Variants in CALN1 observed in about 807,000 individuals in gnomAD.
The protein encoded by CALN1 is calneuron 1, also known as calcium-binding protein 8.
CALN1 carries 17 observed loss-of-function variants against 30.6 expected under a neutral mutation model. The observed-to-expected ratio is 0.56, with a 90% CI of 0.38 to 0.83. The LOEUF is 0.83. Among genes scored for constraint, CALN1 ranks in the 40% least tolerant of loss-of-function variants. The pLI is 0.00. For synonymous variants in CALN1, 156 were observed against 131.4 expected (o/e 1.19, Z -1.28); for missense variants, 291 against 354.9 (o/e 0.82, Z 1.45).
At chr7:72,210,132 T>C (rs1339962748) in intron 3 of CALN1, among the ~76,000 whole-genome samples, 2 of 152,002 alleles carry the variant, frequency 1.3e-5, no homozygotes, top group South Asian at 2.1e-4. Flanking sequence ...CAGTTTGCTT[T>C]TCTCATCTTC....
At chr7:72,082,462 C>T (rs1231229085) in intron 4 of CALN1, among the ~76,000 whole-genome samples, 1 of 152,182 alleles carries the variant, frequency 6.6e-6, no homozygotes, top group Non-Finnish European at 1.5e-5. Flanking sequence ...GACCCTCCCT[C>T]CATGGCTGAG....
intron 5 of CALN1, among the ~76,000 whole-genome samples, chr7:72,002,214 A>C (rs962486119): frequency 2.6e-5 from 4 of 152,224 alleles, no homozygotes; most frequent in Non-Finnish European, 4.4e-5. Flanking sequence ...AAACCACTGT[A>C]AATTGCAAAT....
chr7:72,074,592 G>C (rs796494950), intron 4 of CALN1, among the ~76,000 whole-genome samples: 13 of 152,244 alleles, frequency 8.5e-5, no homozygotes, highest in African/African-American at 2.9e-4. Flanking sequence ...ATTTTTAGTA[G>C]AGATGGGGTT....
intron 4 of CALN1, among the ~76,000 whole-genome samples, chr7:72,036,715 C>CA (rs1463221678): frequency 2.0e-5 from 3 of 152,048 alleles, no homozygotes; most frequent in Non-Finnish European, 4.4e-5. Context: ...AAACTTACTT[C>CA]AAAATTATTT....
intron 3 of CALN1, among the ~76,000 whole-genome samples, chr7:72,171,403 C>A (rs1294216138): frequency 6.6e-6 from 1 of 152,076 alleles, no homozygotes; most frequent in African/African-American, 2.4e-5. Context: ...GAGAGGAGGA[C>A]TGCTTGAGGC....
intron 5 of CALN1, among the ~76,000 whole-genome samples, chr7:71,948,246 G>C (rs1442379753): frequency 6.6e-6 from 1 of 151,910 alleles, no homozygotes; most frequent in African/African-American, 2.4e-5. Flanking sequence ...TGGGGGGGAA[G>C]AGGACCACAT....
At chr7:71,989,534 A>G (rs1798842383) in intron 5 of CALN1, among the ~76,000 whole-genome samples, 1 of 152,148 alleles carries the variant, frequency 6.6e-6, no homozygotes, top group South Asian at 2.1e-4. Context: ...GTGTCTGAGA[A>G]ACGATGTAGA....
chr7:72,422,243 C>G (rs555312527), intron 1 of CALN1, among the ~76,000 whole-genome samples: 1 of 152,172 alleles, frequency 6.6e-6, no homozygotes, highest in Non-Finnish European at 1.5e-5. Flanking sequence ...TTTACATTCC[C>G]GCCAGCAGTG....
chr7:72,293,951 A>T (rs2129555122), intron 2 of CALN1, among the ~76,000 whole-genome samples: 1 of 152,114 alleles, frequency 6.6e-6, no homozygotes, highest in Middle Eastern at 3.4e-3. Context: ...TACAAAAATT[A>T]GCCAGGCATC....
At chr7:71,926,020 AGGT>A (rs997913406) in intron 5 of CALN1, among the ~76,000 whole-genome samples, 5 of 152,144 alleles carry the variant, frequency 3.3e-5, no homozygotes, top group Non-Finnish European at 7.3e-5. Flanking sequence ...TGCCTGGCTA[AGGT>A]GGTGTAGTTT....
rs548255879 is a variant in CALN1 at position 71,991,274 on chromosome 7, C to T, written c.501+32383G>A. On this transcript the variant is annotated intron_variant, in intron 5 of 6. Transcript: ENST00000395275. ...AGGAGTTTGAGACCAGCTTGGCCAA[C>T]GTGGTGAAACCCCGTCTCTACTAAA... 4.1e-3 allele frequency among the ~76,000 whole-genome samples: 617 copies of T among 152,248 alleles called. 3 individuals are homozygous for T. The highest frequency in any genetic ancestry group is 6.2e-3 in the Non-Finnish European group (421 of 68,008).
rs148655320 is a variant in CALN1, at chr7:72,288,125, A to C, written c.120-9315T>G. Among the ~76,000 whole-genome samples, 667 of 152,238 alleles carry C rather than the reference A, an allele frequency of 4.4e-3. 7 individuals carry two copies. The highest frequency in any genetic ancestry group is 7.3e-3 in the Non-Finnish European group (495 of 68,028). ...AAGGAGTCTCCTCTGATTGCGGTCAAGACACTGACTGGGGCCACCATCATC... is the reference window on the plus strand; with the variant it reads ...AAGGAGTCTCCTCTGATTGCGGTCACGACACTGACTGGGGCCACCATCATC... On this transcript the variant is annotated intron_variant, in intron 2 of 6. Coordinates refer to ENST00000395275, the MANE Select transcript of CALN1 (RefSeq NM_031468.4).
chr7:72,180,640 C>T (rs571426427), intron 3 of CALN1, among the ~76,000 whole-genome samples: 4 of 132,790 alleles, frequency 3.0e-5, no homozygotes, highest in Non-Finnish European at 4.7e-5. Flanking sequence ...CAGGATCTCA[C>T]AGTGTGGGTC....
At chr7:71,956,405 T>G (rs1038366675) in intron 5 of CALN1, among the ~76,000 whole-genome samples, 1 of 152,116 alleles carries the variant, frequency 6.6e-6, no homozygotes, top group African/African-American at 2.4e-5. Flanking sequence ...AGACTGCAGA[T>G]AAGAGTGCCC....
At chr7:72,290,237 C>T (rs6460710) in intron 2 of CALN1, among the ~76,000 whole-genome samples, 41,377 of 151,700 alleles carry the variant, frequency 0.27, 6,627 homozygotes, top group Non-Finnish European at 0.36. Context: ...TGTTTCCTTG[C>T]CATGTTTTGA....
intron 3 of CALN1, among the ~76,000 whole-genome samples, chr7:72,236,306 A>G (rs915019621): frequency 1.3e-5 from 2 of 152,136 alleles, no homozygotes; most frequent in African/African-American, 2.4e-5. Context: ...TGTAAGGCTG[A>G]AAGAGAACAT....
In CALN1 at chr7:72,154,561, G is replaced by A. The variant is rs141133059; in HGVS notation, c.245-48267C>T. Among the ~76,000 whole-genome samples the A allele has an allele frequency of 7.9e-5, 12 of 152,278 alleles. No individual in the cohort carries two copies. The South Asian group carries it at 8.3e-4, about 11-fold the overall frequency. On this transcript the variant is annotated intron_variant, in intron 3 of 6. Coordinates refer to ENST00000395275, the MANE Select transcript of CALN1 (RefSeq NM_031468.4). The stretch of plus-strand genomic sequence containing the variant: ...TATTTGCAAAGGGCACTGAACACCC[G>A]AGATGTAAATGGCCTGAGAAACCTT...
chr7:72,402,569 A>T (rs967257375), intron 2 of CALN1, among the ~76,000 whole-genome samples: 1 of 152,200 alleles, frequency 6.6e-6, no homozygotes, highest in African/African-American at 2.4e-5. Flanking sequence ...GTTCTATACC[A>T]AACCACACCC....
chr7:71,942,338 G>A lies in CALN1; in HGVS notation c.501+81319C>T, dbSNP rs185974031. ...GGCAGGACCGGCTCTCAGGGACACT[G>A]CACGCAGGTGCGCGTGGAATTTATG... On this transcript the variant is annotated intron_variant, in intron 5 of 6. Transcript: ENST00000395275. 845 of 174,902 alleles carry A rather than the reference G, an allele frequency of 4.8e-3. 6 individuals carry two copies. Among genetic ancestry groups the A allele is most frequent in the African/African-American group, 0.019 (811 of 41,698 alleles). 10.8% of individuals were successfully genotyped at this position (174,902 alleles called of 1,614,324 possible). A position where few individuals can be genotyped will look rare whatever the true frequency, so the allele number is the denominator to read the frequency against.
Sources: gnomAD v4.1 joint callset for allele counts (sites outside exome capture counted in the v4.1 genomes callset) on GRCh38, gnomAD v4.1.1 for gene constraint, MANE v1.5 for transcripts, NCBI Gene and HGNC (gene_info 2026-07-23, HGNC 2026-07-21) for gene names.